COL15A1: variants seen among roughly 807,000 people sequenced by gnomAD.
The protein encoded by COL15A1 is collagen type XV alpha 1 chain.
In COL15A1, 111 loss-of-function variants were observed where a neutral mutation model predicts 165.9. That is an observed-to-expected ratio of 0.67 (90% confidence interval 0.57 to 0.78). The LOEUF is 0.78. Among genes scored for constraint, COL15A1 ranks in the 30% least tolerant of loss-of-function variants. COL15A1 has a pLI of 0.00. For missense variants in COL15A1, 1,745 were observed against 1,789.7 expected, an observed-to-expected ratio of 0.98 and a Z score of 0.45; for synonymous variants, 659 against 674.8, an observed-to-expected ratio of 0.98 and a Z score of 0.36.
At chr9:98,967,633 C>T (rs1461419932) in intron 2 of COL15A1, among the ~76,000 whole-genome samples, 2 of 152,202 alleles carry the variant, frequency 1.3e-5, no homozygotes, top group Non-Finnish European at 2.9e-5. Context: ...CACAGAAAAG[C>T]GCTGTCTCTA....
In COL15A1 at chr9:98,992,392, G is replaced by A. The variant is rs116270654; in HGVS notation, c.804+3134G>A. On this transcript the variant is annotated intron_variant, in intron 5 of 41. Transcript: ENST00000375001. ...CCAGGGTCGGTGGCACCGGCTGGCCGCTTAGAGTGCGGGGCCCGCCGAGCC... is the reference window on the plus strand; with the variant it reads ...CCAGGGTCGGTGGCACCGGCTGGCCACTTAGAGTGCGGGGCCCGCCGAGCC... 6.3e-3 allele frequency among the ~76,000 whole-genome samples: 959 copies of A among 152,342 alleles called. 8 individuals are homozygous for A. Among genetic ancestry groups the A allele is most frequent in the African/African-American group, 0.021 (866 of 41,582 alleles).
At chr9:98,945,654 T>C (rs974501760) in intron 2 of COL15A1, among the ~76,000 whole-genome samples, 2 of 152,228 alleles carry the variant, frequency 1.3e-5, no homozygotes, top group African/African-American at 4.8e-5. Context: ...TGCCAGAGTG[T>C]CCAGCCTGGC....
chr9:98,980,298 G>T (rs887940330), intron 2 of COL15A1, among the ~76,000 whole-genome samples: 1 of 152,244 alleles, frequency 6.6e-6, no homozygotes, highest in Non-Finnish European at 1.5e-5. Context: ...ATAGTGACAT[G>T]CAGGGGCTAT....
chr9:98,975,870 G>A (rs1320769993), intron 2 of COL15A1, among the ~76,000 whole-genome samples: 1 of 152,168 alleles, frequency 6.6e-6, no homozygotes, highest in Non-Finnish European at 1.5e-5. Flanking sequence ...CCGTGTGTTG[G>A]GGTGCAGCTG....
chr9:99,016,839 C>T (rs1336445318), intron 11 of COL15A1, among the ~76,000 whole-genome samples: 1 of 152,248 alleles, frequency 6.6e-6, no homozygotes, highest in African/African-American at 2.4e-5. Flanking sequence ...TGGTCATGCA[C>T]ACTTTGAAAG....
chr9:98,992,930 A>G (rs1176702963), intron 5 of COL15A1, among the ~76,000 whole-genome samples: 1 of 152,174 alleles, frequency 6.6e-6, no homozygotes, highest in Non-Finnish European at 1.5e-5. Context: ...TGGAAAAGTG[A>G]AAAAGAAAAA....
rs1388092638 is a variant in COL15A1, at chr9:99,049,904, C to T, written c.2904+9C>T. On this transcript the variant is annotated intron_variant, in intron 30 of 41. Coordinates refer to ENST00000375001, the MANE Select transcript of COL15A1 (RefSeq NM_001855.5). Reference sequence around the variant, plus strand: ...CACACTGCAAAATGCCAGTAAGTAGCAATCACTGCCTTAAAGAGCAGGCTT... The same window carrying T: ...CACACTGCAAAATGCCAGTAAGTAGTAATCACTGCCTTAAAGAGCAGGCTT... The T allele has an allele frequency of 4.3e-5, 70 of 1,614,110 alleles. No homozygotes were observed. Among genetic ancestry groups the T allele is most frequent in the Non-Finnish European group, 5.8e-5 (69 of 1,180,044 alleles).
At chr9:99,039,658 G>A (rs1372166448) in intron 22 of COL15A1, among the ~76,000 whole-genome samples, 2 of 152,226 alleles carry the variant, frequency 1.3e-5, no homozygotes, top group African/African-American at 4.8e-5. Flanking sequence ...CTGCTGGTCA[G>A]CACAGGAGAA....
chr9:99,014,576 G>C (rs972206884), intron 9 of COL15A1, among the ~76,000 whole-genome samples: 11 of 152,212 alleles, frequency 7.2e-5, no homozygotes, highest in Admixed American at 2.0e-4. Flanking sequence ...TCAAAGGTCA[G>C]TGGCACCTCC....
chr9:99,031,654 C>T (rs1839214785), intron 16 of COL15A1, among the ~76,000 whole-genome samples: 2 of 152,172 alleles, frequency 1.3e-5, no homozygotes, highest in African/African-American at 2.4e-5. Flanking sequence ...AAGGAACCTG[C>T]AAATTGCTTT....
chr9:99,020,541 C>T (rs118185793), intron 12 of COL15A1, 99 bp downstream of exon 12: 9 of 842,450 alleles, frequency 1.1e-5, no homozygotes, highest in Admixed American at 2.1e-5. Context: ...TCAAGGGGAT[C>T]GCAGAAGCAG....
At chr9:98,991,263 C>T (rs900287734) in intron 5 of COL15A1, among the ~76,000 whole-genome samples, 4 of 152,216 alleles carry the variant, frequency 2.6e-5, no homozygotes, top group Non-Finnish European at 5.9e-5. Context: ...TATCTGACCC[C>T]CCCCCACATC....
rs751826956 is a variant in COL15A1 at position 98,985,788 on chromosome 9, C to G, written c.324C>G (p.Phe108Leu). The G allele has an allele frequency of 1.9e-6, 3 of 1,613,966 alleles. No homozygotes were observed. Among genetic ancestry groups the G allele is most frequent in the Non-Finnish European group, 2.5e-6 (3 of 1,180,052 alleles). Reference protein sequence around the residue: ...KPSSTRGGVLFAITDAFQKVI... With the variant: ...KPSSTRGGVLLAITDAFQKVI... ...GCAGCACCCGTGGTGGCGTGCTCTT[C>G]GCCATCACTGACGCCTTCCAGAAGG... The change falls in exon 3 of 42, where the codon TTC becomes TTG. Residue 108 changes from phenylalanine to leucine, a missense_variant. Phe to Leu is a conservative substitution (Grantham distance 22, BLOSUM62 0). Transcript: ENST00000375001.
chr9:99,070,213 C>A lies in COL15A1; in HGVS notation c.*327C>A, dbSNP rs1233355916. 2 of 270,190 alleles carry A rather than the reference C, an allele frequency of 7.4e-6. No individual in the cohort carries two copies. Among genetic ancestry groups the A allele is most frequent in the African/African-American group, 4.5e-5 (2 of 44,266 alleles). The allele number at this position is 270,190 out of a possible 1,614,324, so 16.7% of individuals were successfully genotyped here. ...CACTGCATCCTTCAGACAGTTATATCCTCCTTTTAAACCATTGTTGTTGAG... is the reference window on the plus strand; with the variant it reads ...CACTGCATCCTTCAGACAGTTATATACTCCTTTTAAACCATTGTTGTTGAG... On this transcript the variant is annotated 3_prime_UTR_variant, in exon 42 of 42. Transcript: ENST00000375001.
At chr9:99,045,989 TAAG>T (rs1396188764) in intron 26 of COL15A1, among the ~76,000 whole-genome samples, 1 of 152,230 alleles carries the variant, frequency 6.6e-6, no homozygotes, top group Non-Finnish European at 1.5e-5. Context: ...TCCCTGAAGT[TAAG>T]AAGAGTGGAC....
chr9:99,018,270 ATC>A (rs1306431912), intron 11 of COL15A1, among the ~76,000 whole-genome samples: 2 of 152,144 alleles, frequency 1.3e-5, no homozygotes, highest in African/African-American at 4.8e-5. Flanking sequence ...GTGTCTCTTA[ATC>A]TCTAATTGTC....
At chr9:98,987,011 G>T (rs1564030016) in intron 3 of COL15A1, among the ~76,000 whole-genome samples, 2 of 152,100 alleles carry the variant, frequency 1.3e-5, no homozygotes, top group Non-Finnish European at 2.9e-5. Context: ...ACAAGCTGGG[G>T]ACCTGGAGAC....
At position 99,004,946 on chromosome 9, in the gene COL15A1, G is replaced by C; in HGVS notation, c.1249G>C (p.Glu417Gln). 6.2e-7 allele frequency: 1 copy of C among 1,614,104 alleles called. No homozygotes were observed. Among genetic ancestry groups the C allele is most frequent in the Non-Finnish European group, 8.5e-7 (1 of 1,179,974 alleles). ...RLAATAAGEA[E>Q]ALASMPGEVE... ...AGCAGCAACAGCAGCAGGGGAGGCCGAGGCACTCGCCAGCATGCCTGGGGA... is the reference window on the plus strand; with the variant it reads ...AGCAGCAACAGCAGCAGGGGAGGCCCAGGCACTCGCCAGCATGCCTGGGGA... The change falls in exon 9 of 42, where the codon GAG becomes CAG. Residue 417 changes from glutamate (E) to glutamine (Q), a missense_variant. Transcript: ENST00000375001.
At chr9:99,032,216 A>G (rs908222520) in intron 16 of COL15A1, among the ~76,000 whole-genome samples, 1 of 151,244 alleles carries the variant, frequency 6.6e-6, no homozygotes, top group Non-Finnish European at 1.5e-5. Flanking sequence ...ATTTTTATTT[A>G]TTTATTATTA....
Sources: allele counts gnomAD v4.1 joint callset (sites outside exome capture counted in the v4.1 genomes callset), GRCh38; gene constraint gnomAD v4.1.1; transcripts MANE v1.5; gene names NCBI Gene and HGNC (gene_info 2026-07-23, HGNC 2026-07-21).